The following TAFA2 variants were observed in gnomAD, a reference collection of about 807,000 sequenced individuals.
TAFA2 encodes TAFA chemokine like family member 2, also known as chemokine-like protein TAFA-2.
Under a neutral mutation model 18.8 loss-of-function variants are expected in TAFA2, and 7 were observed. The observed-to-expected ratio is 0.37, with a 90% CI of 0.21 to 0.70. The LOEUF is 0.70. Among genes scored for constraint, TAFA2 ranks in the 30% least tolerant of loss-of-function variants. The pLI is 0.53. For synonymous variants in TAFA2, 60 were observed against 54.2 expected (o/e 1.11, Z -0.47); for missense variants, 122 against 158.1 (o/e 0.77, Z 1.23).
Position 61,808,448 on chromosome 12 carries a change from T to C in TAFA2, c.107-53424A>G, listed in dbSNP as rs544488304. ...AAAATGGACTAATACAGTACATAAT[T>C]GTACATGTGTGTATGTGGTACATCC... On this transcript the variant is annotated intron_variant, in intron 2 of 4. Transcript: ENST00000416284. Among the ~76,000 whole-genome samples the C allele has an allele frequency of 2.6e-5, 4 of 151,586 alleles. No individual in the cohort carries two copies. The South Asian group carries it at 8.3e-4, about 31-fold the overall frequency.
At chr12:62,032,507 G>T (rs1052409199) in intron 1 of TAFA2, among the ~76,000 whole-genome samples, 2 of 151,978 alleles carry the variant, frequency 1.3e-5, no homozygotes, top group Non-Finnish European at 2.9e-5. Context: ...TAATAATGTT[G>T]GTATTATTCC....
chr12:62,150,216 C>A (rs1421453211), intron 1 of TAFA2, among the ~76,000 whole-genome samples: 2 of 152,150 alleles, frequency 1.3e-5, no homozygotes, highest in African/African-American at 2.4e-5. Context: ...AAACAAGATG[C>A]TTTCCCTAAA....
At chr12:62,006,018 T>C (rs578198302) in intron 1 of TAFA2, among the ~76,000 whole-genome samples, 240 of 152,314 alleles carry the variant, frequency 1.6e-3, no homozygotes, top group Non-Finnish European at 2.7e-3. Context: ...TTCATTTTTA[T>C]AATACTATGA....
chr12:61,934,908 T>C (rs182290665), intron 1 of TAFA2, among the ~76,000 whole-genome samples: 213 of 152,354 alleles, frequency 1.4e-3, no homozygotes, highest in Non-Finnish European at 2.5e-3. Context: ...CAGTTAGTAC[T>C]TTTTGAGAAA....
intron 1 of TAFA2, among the ~76,000 whole-genome samples, chr12:61,885,115 TATTATAA>T (rs1369091274): frequency 3.9e-5 from 6 of 152,174 alleles, no homozygotes; most frequent in Non-Finnish European, 4.4e-5. Context: ...TTTTTCCCTG[TATTATAA>T]AAATAAGAAA....
intron 1 of TAFA2, among the ~76,000 whole-genome samples, chr12:62,048,468 A>C (rs1427155781): frequency 1.3e-5 from 2 of 152,218 alleles, no homozygotes; most frequent in Admixed American, 6.5e-5. Context: ...TTTTAATTCA[A>C]GATGAGATTT....
intron 2 of TAFA2, among the ~76,000 whole-genome samples, chr12:61,855,080 A>C (rs1042364086): frequency 4.6e-5 from 7 of 152,186 alleles, no homozygotes; most frequent in Non-Finnish European, 8.8e-5. Flanking sequence ...CCATCCTTGT[A>C]CTGCCTTTTT....
chr12:62,176,878 A>G (rs1297382958), intron 1 of TAFA2, among the ~76,000 whole-genome samples: 2 of 152,192 alleles, frequency 1.3e-5, no homozygotes. Flanking sequence ...ATTGAGATGC[A>G]ATACTGTGTG....
intron 1 of TAFA2, among the ~76,000 whole-genome samples, chr12:62,012,820 A>G (rs1390024719): frequency 6.6e-6 from 1 of 152,206 alleles, no homozygotes; most frequent in East Asian, 1.9e-4. Flanking sequence ...TATATTCCTG[A>G]TTATTGCAAG....
intron 1 of TAFA2, among the ~76,000 whole-genome samples, chr12:62,102,391 CAATTA>C (rs1399788736): frequency 9.9e-5 from 15 of 152,258 alleles, no homozygotes; most frequent in African/African-American, 3.6e-4. Flanking sequence ...TTGAAGGTCA[CAATTA>C]AATTAAACAT....
At position 61,798,038 on chromosome 12, in the gene TAFA2, A is replaced by G. The variant is rs188770993; in HGVS notation, c.107-43014T>C. On this transcript the variant is annotated intron_variant, in intron 2 of 4. Coordinates refer to ENST00000416284, the MANE Select transcript of TAFA2 (RefSeq NM_178539.5). Reference sequence around the variant, plus strand: ...GGGCATTAACCAAAAAGAACAAGGTATCAACCACATACGACTATATAACCA... The same window carrying G: ...GGGCATTAACCAAAAAGAACAAGGTGTCAACCACATACGACTATATAACCA... Among the ~76,000 whole-genome samples, 356 of 152,364 alleles carry G rather than the reference A, an allele frequency of 2.3e-3. 2 individuals carry two copies. Among genetic ancestry groups the G allele is most frequent in the African/African-American group, 8.0e-3 (334 of 41,588 alleles).
At chr12:61,794,359 T>C (rs550215344) in intron 2 of TAFA2, among the ~76,000 whole-genome samples, 3 of 152,132 alleles carry the variant, frequency 2.0e-5, no homozygotes, top group East Asian at 3.9e-4. Context: ...TAAAAATCAT[T>C]TGTATATCTA....
intron 4 of TAFA2, among the ~76,000 whole-genome samples, chr12:61,741,411 A>G (rs7484623): frequency 0.37 from 56,773 of 151,792 alleles, 10,828 homozygotes; most frequent in African/African-American, 0.46. Flanking sequence ...CATTTTATTG[A>G]ATTTTGTTCT....
Position 61,738,329 on chromosome 12 carries a change from A to AC in TAFA2, c.384+15292_384+15293insG, listed in dbSNP as rs1555198029. On this transcript the variant is annotated intron_variant, in intron 4 of 4. Coordinates refer to ENST00000416284, the MANE Select transcript of TAFA2 (RefSeq NM_178539.5). ...CACACACACACACACACACACACAC[A>AC]AACCTAGCTCATAAACCCAGGCTAA... Among the ~76,000 whole-genome samples the AC allele has an allele frequency of 5.2e-3, 768 of 146,842 alleles. 4 individuals are homozygous for AC. Among genetic ancestry groups the AC allele is most frequent in the African/African-American group, 0.018 (730 of 39,706 alleles).
intron 1 of TAFA2, among the ~76,000 whole-genome samples, chr12:61,916,576 C>T (rs569724037): frequency 2.0e-5 from 3 of 152,290 alleles, no homozygotes; most frequent in Admixed American, 1.3e-4. Context: ...TTTGCAGACC[C>T]TCTATTGCCT....
chr12:61,836,756 T>TATGTATATATATATATATATAC (rs68158949), intron 2 of TAFA2, among the ~76,000 whole-genome samples: 1 of 119,848 alleles, frequency 8.3e-6, no homozygotes, highest in Non-Finnish European at 1.8e-5. Flanking sequence ...TATATATATA[T>TATGTATATATATATATATATAC]ACACACACAC....
At chr12:61,979,646 G>A (rs1879560028) in intron 1 of TAFA2, among the ~76,000 whole-genome samples, 1 of 151,916 alleles carries the variant, frequency 6.6e-6, no homozygotes, top group East Asian at 1.9e-4. Context: ...AAAGGAAGGT[G>A]AGTAAGGAGG....
intron 2 of TAFA2, among the ~76,000 whole-genome samples, chr12:61,809,215 T>C (rs1266959756): frequency 6.6e-6 from 1 of 151,548 alleles, no homozygotes; most frequent in Non-Finnish European, 1.5e-5. Context: ...ACAGCCTTAA[T>C]ACTCACTGAT....
intron 1 of TAFA2, among the ~76,000 whole-genome samples, chr12:62,237,926 T>G (rs1452970727): frequency 2.0e-5 from 3 of 152,226 alleles, no homozygotes; most frequent in Admixed American, 1.3e-4. Flanking sequence ...TTGGTGTTGC[T>G]GAACAGCCAA....
Sources: gnomAD v4.1 joint callset for allele counts (sites outside exome capture counted in the v4.1 genomes callset) on GRCh38, gnomAD v4.1.1 for gene constraint, MANE v1.5 for transcripts, NCBI Gene and HGNC (gene_info 2026-07-23, HGNC 2026-07-21) for gene names.